Variants in PACSIN1 observed in about 807,000 individuals in gnomAD.
The protein encoded by PACSIN1 is protein kinase C and casein kinase substrate in neurons 1.
PACSIN1 carries 15 observed loss-of-function variants against 59.5 expected under a neutral mutation model. The ratio of observed to expected loss-of-function variants is 0.25; its 90% CI spans 0.17 to 0.39. The LOEUF (loss-of-function observed/expected upper bound fraction) is 0.39. Ranked by LOEUF, PACSIN1 falls within the 10% of genes least tolerant of loss-of-function variation. PACSIN1 has a pLI of 1.00. For missense variants in PACSIN1, 420 were observed against 580.2 expected (o/e 0.72, Z 2.84); for synonymous variants, 210 against 220.6 (o/e 0.95, Z 0.42).
chr6:34,511,680 G>A (rs1767205637), intron 1 of PACSIN1, among the ~76,000 whole-genome samples: 1 of 152,100 alleles, frequency 6.6e-6, no homozygotes, highest in African/African-American at 2.4e-5. Context: ...TTTCTCTAGA[G>A]CTGGCCAGCC....
At position 34,529,568 on chromosome 6, in the gene PACSIN1, G is replaced by A. The variant is rs1186655722; in HGVS notation, c.612+16G>A. 8.1e-6 allele frequency: 13 copies of A among 1,613,838 alleles called. No individual in the cohort carries two copies. The highest frequency in any genetic ancestry group is 1.1e-5 in the Non-Finnish European group (13 of 1,179,906). ...TGTGCAGAAGGTGCTGGCGGGCAGG[G>A]ATGGCAGTAGGGGGTCTGGGGGCCC... On this transcript the variant is annotated intron_variant, in intron 5 of 9. Transcript: ENST00000244458. The surrounding 1 kb of genome is among the most constrained non-coding windows in gnomAD (Gnocchi z 6.3).
intron 1 of PACSIN1, among the ~76,000 whole-genome samples, chr6:34,476,832 A>G (rs1050436413): frequency 6.6e-6 from 1 of 152,148 alleles, no homozygotes; most frequent in Non-Finnish European, 1.5e-5. Context: ...CCTGCCAAAC[A>G]GGGCCAAGAC....
chr6:34,502,370 C>T (rs1446924799), intron 1 of PACSIN1, among the ~76,000 whole-genome samples: 1 of 151,376 alleles, frequency 6.6e-6, no homozygotes, highest in East Asian at 1.9e-4. Flanking sequence ...CAGAGGGAAA[C>T]AGGGGAAGGG....
chr6:34,508,722 G>A (rs1212092756), intron 1 of PACSIN1, among the ~76,000 whole-genome samples: 1 of 152,168 alleles, frequency 6.6e-6, no homozygotes, highest in Non-Finnish European at 1.5e-5. Context: ...CATCCTGACA[G>A]GTATGAGGTG....
intron 1 of PACSIN1, among the ~76,000 whole-genome samples, chr6:34,501,159 G>T (rs1767017108): frequency 6.6e-6 from 1 of 152,156 alleles, no homozygotes; most frequent in African/African-American, 2.4e-5. Flanking sequence ...CTTTTTCTTT[G>T]CATTAACACT....
At chr6:34,475,093 C>T (rs1363549811) in intron 1 of PACSIN1, among the ~76,000 whole-genome samples, 1 of 152,174 alleles carries the variant, frequency 6.6e-6, no homozygotes, top group Admixed American at 6.5e-5. Flanking sequence ...CCTGATTCTA[C>T]TTTATCATCT....
rs1767649940 is a variant in PACSIN1 at position 34,533,992 on chromosome 6, G to A, written c.*1462G>A. The A allele has an allele frequency of 6.6e-6, 1 of 152,544 alleles. No homozygotes were observed. Among genetic ancestry groups the A allele is most frequent in the Non-Finnish European group, 1.5e-5 (1 of 68,214 alleles). The allele number at this position is 152,544 out of a possible 1,614,324, so 9.4% of individuals were successfully genotyped here. A position where few individuals can be genotyped will look rare whatever the true frequency, so the allele number is the denominator to read the frequency against. Reference sequence around the variant, plus strand: ...AGAAAAGTCTCTTGGGGACCTCTGGGGCAAGGAGCTGAGAAGTCCTGCAGC... The same window carrying A: ...AGAAAAGTCTCTTGGGGACCTCTGGAGCAAGGAGCTGAGAAGTCCTGCAGC... On this transcript the variant is annotated 3_prime_UTR_variant, in exon 10 of 10. Coordinates refer to ENST00000244458, the MANE Select transcript of PACSIN1 (RefSeq NM_020804.5).
intron 1 of PACSIN1, among the ~76,000 whole-genome samples, chr6:34,473,918 T>C (rs1305829445): frequency 3.9e-5 from 6 of 152,198 alleles, no homozygotes; most frequent in Admixed American, 3.9e-4. Context: ...TATTAATTCC[T>C]TTATATAGTC....
At chr6:34,472,128 T>A (rs1766579449) in intron 1 of PACSIN1, among the ~76,000 whole-genome samples, 1 of 151,860 alleles carries the variant, frequency 6.6e-6, no homozygotes, top group Admixed American at 6.6e-5. Context: ...AAAAATTACC[T>A]GGGTGTGGTG....
intron 3 of PACSIN1, 46 bp downstream of exon 3, chr6:34,527,534 G>GC: frequency 6.6e-7 from 1 of 1,526,232 alleles, no homozygotes; most frequent in South Asian, 1.2e-5. Context: ...GCCGTCACGA[G>GC]CCCCCTAGGT....
intron 1 of PACSIN1, among the ~76,000 whole-genome samples, chr6:34,483,942 C>T (rs1356858701): frequency 6.6e-6 from 1 of 152,144 alleles, no homozygotes; most frequent in Non-Finnish European, 1.5e-5. Flanking sequence ...AGCCACCGCG[C>T]TCAGCCCCTT....
At position 34,477,215 on chromosome 6, in the gene PACSIN1, G is replaced by T. The variant is rs550854970; in HGVS notation, c.-64+10945G>T. ...ATGCAAATAAGCATGTCCAGGCCGG[G>T]CATGGTTGCTCATGCCTGTAATCCC... On this transcript the variant is annotated intron_variant, in intron 1 of 9. Coordinates refer to ENST00000244458, the MANE Select transcript of PACSIN1 (RefSeq NM_020804.5). Among the ~76,000 whole-genome samples, 12 of 152,250 alleles carry T rather than the reference G, an allele frequency of 7.9e-5. No homozygotes were observed. The South Asian group carries it at 2.5e-3, about 32-fold the overall frequency.
intron 1 of PACSIN1, among the ~76,000 whole-genome samples, chr6:34,498,350 G>A (rs6902165): frequency 0.45 from 68,408 of 151,990 alleles, 15,822 homozygotes; most frequent in East Asian, 0.6. Flanking sequence ...ACGAGCCACC[G>A]CGCCCGGCCC....
Position 34,513,316 on chromosome 6 carries a change from C to T in PACSIN1, c.-63-12927C>T, listed in dbSNP as rs1374456563. Among the ~76,000 whole-genome samples, 4 of 152,142 alleles carry T rather than the reference C, an allele frequency of 2.6e-5. No individual in the cohort carries two copies. In the South Asian group the frequency reaches 8.3e-4, roughly 32 times the overall value. On this transcript the variant is annotated intron_variant, in intron 1 of 9. Transcript: ENST00000244458. ...AAGAGCTATCATTATTACAAGAGGGCCTTTTGCTTAATTTGTGGTGGCTTC... is the reference window on the plus strand; with the variant it reads ...AAGAGCTATCATTATTACAAGAGGGTCTTTTGCTTAATTTGTGGTGGCTTC...
rs767775604 is a variant in PACSIN1 at position 34,530,369 on chromosome 6, GA to G, written c.909+7del. On this transcript the variant is annotated splice_region_variant and intron_variant, in intron 7 of 9. Transcript: ENST00000244458. This position sits in a 1 kb window ranked among gnomAD's most constrained non-coding sequence, Gnocchi z 4.4. ...TGAACTGGCCCCAGTTTGAGGTGAG[GA>G]TATGTGGGGATGGGAAGGGGAGCCT... is the stretch of plus-strand genomic sequence containing the variant. 1 of 1,613,088 alleles carries G rather than the reference GA, an allele frequency of 6.2e-7. No homozygotes were observed. Among genetic ancestry groups the G allele is most frequent in the Non-Finnish European group, 8.5e-7 (1 of 1,179,232 alleles).
intron 1 of PACSIN1, among the ~76,000 whole-genome samples, chr6:34,491,832 G>T (rs1766881899): frequency 6.6e-6 from 1 of 151,946 alleles, no homozygotes; most frequent in Non-Finnish European, 1.5e-5. Flanking sequence ...GGCTGGTCTT[G>T]AAGTTCTGAC....
Position 34,532,642 on chromosome 6 carries a change from T to G in PACSIN1, c.*112T>G. 1.5e-6 allele frequency: 1 copy of G among 669,082 alleles called. No homozygotes were observed. Among genetic ancestry groups the G allele is most frequent in the Non-Finnish European group, 2.6e-6 (1 of 386,548 alleles). The allele number at this position is 669,082 out of a possible 1,614,324, so 41.4% of individuals were successfully genotyped here. On this transcript the variant is annotated 3_prime_UTR_variant, in exon 10 of 10. Transcript: ENST00000244458. This position sits in a 1 kb window ranked among gnomAD's most constrained non-coding sequence, Gnocchi z 5.2. Reference sequence around the variant, plus strand: ...TCCAGACATATTTTCCGATCAAGCTTTTATTTTTTTAAAAGTCAAAACAGA... The same window carrying G: ...TCCAGACATATTTTCCGATCAAGCTGTTATTTTTTTAAAAGTCAAAACAGA...
rs1020746139 is a variant in PACSIN1 at position 34,516,249 on chromosome 6, G to C, written c.-63-9994G>C. On this transcript the variant is annotated intron_variant, in intron 1 of 9. Transcript: ENST00000244458. This position sits in a 1 kb window ranked among gnomAD's most constrained non-coding sequence, Gnocchi z 5.4. The stretch of plus-strand genomic sequence containing the variant: ...TGCAGGGGCTGAGGAGGGGTCACAT[G>C]ATGGGTAGGGGCATACACGCTGAGA... 1.3e-5 allele frequency among the ~76,000 whole-genome samples: 2 copies of C among 152,188 alleles called. No individual in the cohort carries two copies. Among genetic ancestry groups the C allele is most frequent in the Non-Finnish European group, 2.9e-5 (2 of 68,022 alleles).
rs144246857 is a variant in PACSIN1, at chr6:34,530,530, C to A, written c.980C>A (p.Ala327Glu). 6.2e-7 allele frequency: 1 copy of A among 1,609,530 alleles called. No individual in the cohort carries two copies. Among genetic ancestry groups the A allele is most frequent in the Admixed American group, 1.7e-5 (1 of 59,020 alleles). The change falls in exon 8 of 10, where the codon GCG (alanine) becomes GAG (glutamate). Residue 327 changes from alanine (A) to glutamate (E), a missense_variant. Ala to Glu is a moderately radical substitution (Grantham distance 107, BLOSUM62 -1). Coordinates refer to ENST00000244458, the MANE Select transcript of PACSIN1 (RefSeq NM_020804.5). This position sits in a 1 kb window ranked among gnomAD's most constrained non-coding sequence, Gnocchi z 4.4. ...EKQPKKAEGV[A>E]LTNATGAVES... is the part of the protein sequence containing the mutation. ...CAGCCTAAGAAGGCAGAGGGAGTGG[C>A]GCTGACCAATGCCACTGGGGCGGTA... is the stretch of plus-strand genomic sequence containing the variant.
Sources: gnomAD v4.1 joint callset for allele counts (sites outside exome capture counted in the v4.1 genomes callset) on GRCh38, gnomAD v4.1.1 for gene constraint, Gnocchi (gnomAD v3.1) non-coding constraint, MANE v1.5 for transcripts, NCBI Gene and HGNC (gene_info 2026-07-23, HGNC 2026-07-21) for gene names.